The following TMC5 variants were observed in gnomAD, a reference collection of about 807,000 sequenced individuals.
TMC5 encodes transmembrane channel-like protein 5.
In TMC5, 86 loss-of-function variants were observed where a neutral mutation model predicts 110.5. The observed-to-expected ratio is 0.78, with a 90% CI of 0.65 to 0.93. The LOEUF (loss-of-function observed/expected upper bound fraction) is 0.93. TMC5 is among the 40% of genes least tolerant of loss of function. The pLI, the probability that TMC5 is intolerant of heterozygous loss-of-function variation, is 0.00. For missense variants in TMC5, 1,144 were observed against 1,222.8 expected (o/e 0.94, Z 0.96); for synonymous variants, 455 against 439.5 (o/e 1.04, Z -0.44).
chr16:19,471,831 C>T (rs867495075), intron 10 of TMC5, among the ~76,000 whole-genome samples: 6 of 152,116 alleles, frequency 3.9e-5, no homozygotes, highest in South Asian at 2.1e-4. Context: ...TGCCATCTCT[C>T]CTCACTACAA....
intron 2 of TMC5, among the ~76,000 whole-genome samples, chr16:19,434,582 C>G (rs1350815570): frequency 3.3e-5 from 5 of 151,012 alleles, no homozygotes; most frequent in Non-Finnish European, 7.4e-5. Context: ...CCTTGGTCTC[C>G]CAAAGTGCTG....
At chr16:19,425,977 G>A (rs1597158737) in intron 1 of TMC5, among the ~76,000 whole-genome samples, 2 of 152,170 alleles carry the variant, frequency 1.3e-5, no homozygotes, top group African/African-American at 4.8e-5. Context: ...GTGAGCCACC[G>A]CACCCAGCCA....
At chr16:19,484,766 A>G (rs1968696902) in intron 15 of TMC5, among the ~76,000 whole-genome samples, 1 of 148,254 alleles carries the variant, frequency 6.7e-6, no homozygotes, top group South Asian at 2.1e-4. Flanking sequence ...TCCGTCTCAA[A>G]AAGGAAAAAA....
intron 4 of TMC5, among the ~76,000 whole-genome samples, chr16:19,444,501 A>G (rs1046368525): frequency 3.3e-5 from 5 of 152,160 alleles, no homozygotes; most frequent in African/African-American, 1.2e-4. Flanking sequence ...TTCCTACCAG[A>G]GTTGGTGAAG....
intron 6 of TMC5, chr16:19,462,565 G>A (rs1968051516): frequency 1.4e-6 from 1 of 701,432 alleles, no homozygotes; most frequent in African/African-American, 1.7e-5. Flanking sequence ...CTTACGTGGT[G>A]GTAGGCAAGA....
intron 2 of TMC5, among the ~76,000 whole-genome samples, chr16:19,431,182 A>G (rs1403489194): frequency 6.6e-6 from 1 of 152,132 alleles, no homozygotes; most frequent in African/African-American, 2.4e-5. Context: ...CATATAGAAC[A>G]TTGATTTCAT....
chr16:19,472,222 C>T lies in TMC5; in HGVS notation c.1917C>T (p.Tyr639=). 1 of 1,614,000 alleles carries T rather than the reference C, an allele frequency of 6.2e-7. No individual in the cohort carries two copies. The highest frequency in any genetic ancestry group is 8.5e-7 in the Non-Finnish European group (1 of 1,179,978). Residue 639 remains tyrosine, a synonymous_variant, in exon 11 of 22, where the codon TAC becomes TAT. Coordinates refer to ENST00000542583, the MANE Select transcript of TMC5 (RefSeq NM_001261841.2). ...VAIACCAAVY[Y]LAEYNLEFLK... ...TAGCCTGCTGTGCAGCCGTTTATTACCTGGCTGAGTACAACTTAGAGGTAA... is the reference window on the plus strand; with the variant it reads ...TAGCCTGCTGTGCAGCCGTTTATTATCTGGCTGAGTACAACTTAGAGGTAA...
chr16:19,475,802 CTTTTTTT>C lies in TMC5; in HGVS notation c.2090+1540_2090+1546del, dbSNP rs1032784346. On this transcript the variant is annotated intron_variant, in intron 12 of 21. Coordinates refer to ENST00000542583, the MANE Select transcript of TMC5 (RefSeq NM_001261841.2). Reference sequence around the variant, plus strand: ...TCTCCTCTGCAGTATAATTTTCTTTCTTTTTTTTTTTTTTTTTTTTGAGATGGAGTCT... The same window carrying C: ...TCTCCTCTGCAGTATAATTTTCTTTCTTTTTTTTTTTTTGAGATGGAGTCT... Among the ~76,000 whole-genome samples the C allele has an allele frequency of 2.2e-4, 28 of 127,352 alleles. No homozygotes were observed. In the South Asian group the frequency reaches 5.8e-3, roughly 27 times the overall value. The allele number at this position is 127,352 out of a possible 152,430, so 83.5% of individuals were successfully genotyped here. A position where few individuals can be genotyped will look rare whatever the true frequency, so the allele number is the denominator to read the frequency against.
chr16:19,417,085 C>G, upstream of TMC5, among the ~76,000 whole-genome samples: 1 of 91,416 alleles, frequency 1.1e-5, no homozygotes, highest in South Asian at 4.3e-4. Flanking sequence ...CAGAGCAAGA[C>G]TCAGTCTTCA....
chr16:19,450,788 T>G (rs1025767098), intron 5 of TMC5, among the ~76,000 whole-genome samples: 2 of 152,192 alleles, frequency 1.3e-5, no homozygotes, highest in Admixed American at 1.3e-4. Flanking sequence ...GGCTAATGCC[T>G]GTGTTGGTGG....
chr16:19,460,395 TG>T (rs1273400357), intron 6 of TMC5, 61 bp downstream of exon 6: 1 of 1,196,084 alleles, frequency 8.4e-7, no homozygotes, highest in Non-Finnish European at 1.2e-6. Flanking sequence ...CCTCTACTTT[TG>T]CCCCATCTCA....
intron 1 of TMC5, among the ~76,000 whole-genome samples, chr16:19,426,867 G>C (rs966778277): frequency 1.3e-5 from 2 of 151,932 alleles, no homozygotes. Context: ...AAACTTTGGC[G>C]CATAAAGGAA....
chr16:19,471,097 T>TA (rs397789869), intron 10 of TMC5, among the ~76,000 whole-genome samples: 1 of 152,038 alleles, frequency 6.6e-6, no homozygotes, highest in African/African-American at 2.4e-5. Flanking sequence ...TTTTTTTTTT[T>TA]ATGATTTTCG....
intron 20 of TMC5, 79 bp downstream of exon 20, chr16:19,494,445 C>A: frequency 1.1e-6 from 1 of 929,584 alleles, no homozygotes; most frequent in Non-Finnish European, 1.7e-6. Flanking sequence ...GAACTACAGA[C>A]CAAGCTCTTG....
At chr16:19,495,905 G>A (rs898722984) in intron 20 of TMC5, among the ~76,000 whole-genome samples, 1 of 151,968 alleles carries the variant, frequency 6.6e-6, no homozygotes, top group Non-Finnish European at 1.5e-5. Context: ...AGGCCGAGGC[G>A]GGCTTATCAC....
At chr16:19,438,783 T>C (rs1035198657) in intron 2 of TMC5, among the ~76,000 whole-genome samples, 8 of 152,060 alleles carry the variant, frequency 5.3e-5, no homozygotes, top group Non-Finnish European at 1.0e-4. Flanking sequence ...AAATTAAAAC[T>C]GCATCACCTC....
chr16:19,447,415 A>G (rs1231361891), intron 4 of TMC5, among the ~76,000 whole-genome samples: 1 of 152,172 alleles, frequency 6.6e-6, no homozygotes, highest in East Asian at 1.9e-4. Context: ...ATATCAATGG[A>G]GGTAGTCAAG....
intron 1 of TMC5, among the ~76,000 whole-genome samples, chr16:19,428,245 T>C (rs965320690): frequency 2.6e-5 from 4 of 152,168 alleles, no homozygotes; most frequent in Admixed American, 1.3e-4. Context: ...TGAAGATTAA[T>C]TGGTGACTTG....
intron 2 of TMC5, among the ~76,000 whole-genome samples, chr16:19,434,318 AAT>A (rs1450308780): frequency 1.7e-5 from 2 of 116,824 alleles, no homozygotes; most frequent in African/African-American, 3.1e-5. Flanking sequence ...TTATATATAT[AAT>A]ATAGATCTAT....
Sources: allele counts gnomAD v4.1 joint callset (sites outside exome capture counted in the v4.1 genomes callset), GRCh38; gene constraint gnomAD v4.1.1; transcripts MANE v1.5; gene names NCBI Gene and HGNC (gene_info 2026-07-23, HGNC 2026-07-21).